Variants in RAP1GAP2 observed in about 807,000 individuals in gnomAD.
RAP1GAP2 encodes the protein RAP1 GTPase activating protein 2, also known as rap1 GTPase-activating protein 2.
A neutral mutation model predicts 95.0 loss-of-function variants in RAP1GAP2; 27 were observed. The ratio of observed to expected loss-of-function variants is 0.28; its 90% confidence interval spans 0.21 to 0.39. RAP1GAP2 has a LOEUF of 0.39. Ranked by LOEUF, RAP1GAP2 falls within the 10% of genes least tolerant of loss-of-function variation. RAP1GAP2 has a pLI of 1.00. For missense variants in RAP1GAP2, 771 were observed against 970.0 expected (o/e 0.79, Z 2.72); for synonymous variants, 373 against 380.9 (o/e 0.98, Z 0.24).
chr17:3,030,866 C>G (rs1318579192), intron 22 of RAP1GAP2, 56 bp from the exon 23 acceptor site: 2 of 1,498,050 alleles, frequency 1.3e-6, no homozygotes, highest in Non-Finnish European at 1.8e-6. Flanking sequence ...TCCCCACACA[C>G]AGCCCCAGTG....
intron 21 of RAP1GAP2, 140 bp downstream of exon 21, chr17:3,026,604 C>A: frequency 2.4e-6 from 2 of 817,736 alleles, no homozygotes; most frequent in Non-Finnish European, 3.8e-6. Flanking sequence ...GAGAGGTGGG[C>A]TCGTTGGCCA....
intron 22 of RAP1GAP2, among the ~76,000 whole-genome samples, chr17:3,028,390 C>A (rs1284271924): frequency 1.3e-5 from 2 of 151,940 alleles, no homozygotes; most frequent in African/African-American, 4.8e-5. Flanking sequence ...GCAGAGGTCA[C>A]GGAAGCTGAT....
At chr17:2,764,120 AG>A (rs2068234486) in intron 1 of RAP1GAP2, among the ~76,000 whole-genome samples, 1 of 152,132 alleles carries the variant, frequency 6.6e-6, no homozygotes, top group Non-Finnish European at 1.5e-5. Context: ...TAAAAAAAAA[AG>A]GTATTTACCT....
upstream of RAP1GAP2, among the ~76,000 whole-genome samples, chr17:2,773,453 A>G (rs2068436365): frequency 6.6e-6 from 1 of 152,174 alleles, no homozygotes; most frequent in Non-Finnish European, 1.5e-5. Context: ...ACAGAGCCAC[A>G]TGGGCAGGGG....
chr17:2,993,155 G>T (rs2045826149), intron 12 of RAP1GAP2, among the ~76,000 whole-genome samples: 1 of 151,082 alleles, frequency 6.6e-6, no homozygotes. Context: ...CCAAAAGGCA[G>T]TGGTTGCAAT....
intron 2 of RAP1GAP2, among the ~76,000 whole-genome samples, chr17:2,886,575 A>G (rs2073513201): frequency 6.6e-6 from 1 of 152,248 alleles, no homozygotes; most frequent in Admixed American, 6.5e-5. Context: ...GGTATTTAAC[A>G]GGATACTTTT....
At chr17:2,803,907 A>C (rs55891711) in intron 2 of RAP1GAP2, among the ~76,000 whole-genome samples, 23,970 of 152,142 alleles carry the variant, frequency 0.16, 2,153 homozygotes, top group African/African-American at 0.24. Flanking sequence ...AACAAAACAA[A>C]ACAAAAGTAT....
chr17:2,905,286 AG>A lies in RAP1GAP2; in HGVS notation c.84del (p.Lys28AsnfsTer27). On this transcript the variant is annotated frameshift_variant, in exon 3 of 25. Transcript: ENST00000254695. LOFTEE classifies it high-confidence loss of function. ...KTMLASLKVK[K>X]QELANSSDAT... Reference sequence around the variant, plus strand: ...CACCTCTTTTGGCCTCTTCACAGGAAGCAGGAGCTGGCCAACAGCTCGGATG... The same window carrying A: ...CACCTCTTTTGGCCTCTTCACAGGAACAGGAGCTGGCCAACAGCTCGGATG... 1 of 1,613,668 alleles carries A rather than the reference AG, an allele frequency of 6.2e-7. No homozygotes were observed. Among genetic ancestry groups the A allele is most frequent in the Non-Finnish European group, 8.5e-7 (1 of 1,179,664 alleles).
chr17:2,760,418 G>C (rs1179109964), intron 1 of RAP1GAP2, among the ~76,000 whole-genome samples: 2 of 150,468 alleles, frequency 1.3e-5, no homozygotes, highest in Admixed American at 6.6e-5. Context: ...TCAGCTCACT[G>C]CAGCCTCTGC....
intron 2 of RAP1GAP2, among the ~76,000 whole-genome samples, chr17:2,810,316 G>C (rs1315157496): frequency 6.6e-6 from 1 of 151,924 alleles, no homozygotes; most frequent in African/African-American, 2.4e-5. Context: ...GATCTCTAGA[G>C]TCTTTGAATC....
chr17:2,874,079 C>T (rs934251198), intron 2 of RAP1GAP2, among the ~76,000 whole-genome samples: 2 of 152,146 alleles, frequency 1.3e-5, no homozygotes, highest in African/African-American at 4.8e-5. Context: ...CCTGGCCTGG[C>T]TTTCTCATTT....
rs76093713 is a variant in RAP1GAP2, at chr17:3,001,871, C to T, written c.1200+3495C>T. On this transcript the variant is annotated intron_variant, in intron 14 of 24. Transcript: ENST00000254695. Reference sequence around the variant, plus strand: ...TTCTCCACTTTCCCGAGACCTTAGCCGAGTGGTGCACTCATACAGAGAAAA... The same window carrying T: ...TTCTCCACTTTCCCGAGACCTTAGCTGAGTGGTGCACTCATACAGAGAAAA... Among the ~76,000 whole-genome samples the T allele has an allele frequency of 5.6e-3, 847 of 152,244 alleles. 9 individuals carry two copies. Among genetic ancestry groups the T allele is most frequent in the East Asian group, 0.042 (217 of 5,186 alleles).
chr17:2,977,838 G>A (rs2045193580), intron 8 of RAP1GAP2, among the ~76,000 whole-genome samples: 1 of 151,088 alleles, frequency 6.6e-6, no homozygotes, highest in Non-Finnish European at 1.5e-5. Flanking sequence ...CCTGGCAAGG[G>A]AAGCACAAGA....
rs539793709 is a variant in RAP1GAP2 at position 2,832,450 on chromosome 17, C to T, written c.80+31900C>T. 1.9e-4 allele frequency among the ~76,000 whole-genome samples: 27 copies of T among 145,486 alleles called. No individual in the cohort carries two copies. In the East Asian group the frequency reaches 3.6e-3, roughly 19 times the overall value. ...GCGGGCACCTGTAGTCCCAGCTACTCGGGAGGCTGAGGCAGGAGAATGGCG... is the reference window on the plus strand; with the variant it reads ...GCGGGCACCTGTAGTCCCAGCTACTTGGGAGGCTGAGGCAGGAGAATGGCG... On this transcript the variant is annotated intron_variant, in intron 2 of 24. Coordinates refer to ENST00000254695, the MANE Select transcript of RAP1GAP2 (RefSeq NM_015085.5).
chr17:2,944,174 A>G (rs544146750), intron 3 of RAP1GAP2, among the ~76,000 whole-genome samples: 1 of 151,736 alleles, frequency 6.6e-6, no homozygotes, highest in African/African-American at 2.4e-5. Flanking sequence ...AAAAAAAAAA[A>G]AAAAAAAAAC....
chr17:3,003,653 T>C lies in RAP1GAP2; in HGVS notation c.1201-1716T>C, dbSNP rs2046241963. Among the ~76,000 whole-genome samples, 1 of 151,820 alleles carries C rather than the reference T, an allele frequency of 6.6e-6. No individual in the cohort carries two copies. The highest frequency in any genetic ancestry group is 2.4e-5 in the African/African-American group (1 of 41,318). On this transcript the variant is annotated intron_variant, in intron 14 of 24. Coordinates refer to ENST00000254695, the MANE Select transcript of RAP1GAP2 (RefSeq NM_015085.5). The surrounding 1 kb of genome is among the most constrained non-coding windows in gnomAD (Gnocchi z 4.1). ...AGCCATGCAGGTCCCTTCCCCAGAG[T>C]CACCTGCATCTGCCTCTCTCCCTCC...
rs2042046358 is a variant in RAP1GAP2 at position 2,902,219 on chromosome 17, T to A, written c.81-3065T>A. Among the ~76,000 whole-genome samples the A allele has an allele frequency of 6.6e-6, 1 of 150,918 alleles. No individual in the cohort carries two copies. Among genetic ancestry groups the A allele is most frequent in the Non-Finnish European group, 1.5e-5 (1 of 67,828 alleles). On this transcript the variant is annotated intron_variant, in intron 2 of 24. Transcript: ENST00000254695. The surrounding 1 kb of genome is among the most constrained non-coding windows in gnomAD (Gnocchi z 4.1). The stretch of plus-strand genomic sequence containing the variant: ...GTTTCTTCACATTGTTGCCTTCCCT[T>A]CTTTTTTTTTTTTTTGAGATGGAGT...
intron 11 of RAP1GAP2, among the ~76,000 whole-genome samples, chr17:2,988,324 G>A (rs2045629628): frequency 1.3e-5 from 2 of 152,120 alleles, no homozygotes; most frequent in Non-Finnish European, 2.9e-5. Context: ...TCCCCGCAAA[G>A]TAATGTCTGA....
intron 3 of RAP1GAP2, among the ~76,000 whole-genome samples, chr17:2,930,463 T>C (rs910338561): frequency 6.6e-6 from 1 of 152,182 alleles, no homozygotes; most frequent in East Asian, 1.9e-4. Flanking sequence ...GCGTGGCAGC[T>C]TCCTCACTCG....
Sources: gnomAD v4.1 joint callset for allele counts (sites outside exome capture counted in the v4.1 genomes callset) on GRCh38, gnomAD v4.1.1 for gene constraint, Gnocchi (gnomAD v3.1) non-coding constraint, MANE v1.5 for transcripts, NCBI Gene and HGNC (gene_info 2026-07-23, HGNC 2026-07-21) for gene names.